CCBE1: variants seen among roughly 807,000 people sequenced by gnomAD.
The protein encoded by CCBE1 is collagen and calcium binding EGF domains 1.
A neutral mutation model predicts 50.0 loss-of-function variants in CCBE1; 37 were observed. That is an observed-to-expected ratio of 0.74 (90% CI 0.57 to 0.97). The LOEUF (loss-of-function observed/expected upper bound fraction) is 0.97, where lower values mean the gene tolerates loss of function less well. CCBE1 is among the 50% of genes least tolerant of loss of function. The probability of loss-of-function intolerance (pLI) is 0.00; values close to 1 mark genes in which losing one functional copy is unlikely to be tolerated. For missense variants in CCBE1, 538 were observed against 523.8 expected (o/e 1.03, Z -0.26); for synonymous variants, 234 against 203.7 (o/e 1.15, Z -1.27).
At chr18:59,660,138 G>A (rs75107571) in intron 2 of CCBE1, among the ~76,000 whole-genome samples, 3,193 of 152,266 alleles carry the variant, frequency 0.021, 45 homozygotes, top group Non-Finnish European at 0.032. Flanking sequence ...GCCGAAAGGG[G>A]CCGAAATCCA....
At position 59,572,418 on chromosome 18, in the gene CCBE1, G is replaced by C. The variant is rs539009629; in HGVS notation, c.213-92180C>G. 4.6e-5 allele frequency among the ~76,000 whole-genome samples: 7 copies of C among 152,028 alleles called. No homozygotes were observed. In the East Asian group the frequency reaches 1.4e-3, roughly 29 times the overall value. On this transcript the variant is annotated intron_variant, in intron 2 of 10. Coordinates refer to ENST00000439986, the MANE Select transcript of CCBE1 (RefSeq NM_133459.4). ...TTTTGAGATTCTAGAATATCATATG[G>C]GTTTTTTATAACATAATTAAAACCA... is the stretch of plus-strand genomic sequence containing the variant.
At chr18:59,620,898 T>C (rs1028244408) in intron 2 of CCBE1, among the ~76,000 whole-genome samples, 1 of 152,170 alleles carries the variant, frequency 6.6e-6, no homozygotes, top group African/African-American at 2.4e-5. Context: ...GAGTTTCCAA[T>C]AATAACATCC....
chr18:59,563,332 T>C (rs1161433684), intron 2 of CCBE1, among the ~76,000 whole-genome samples: 1 of 152,272 alleles, frequency 6.6e-6, no homozygotes, highest in Non-Finnish European at 1.5e-5. Flanking sequence ...TTTAAAATAC[T>C]ATTTGTTTGC....
rs116242912 is a variant in CCBE1, at chr18:59,695,538, C to A, written c.212+1091G>T. On this transcript the variant is annotated intron_variant, in intron 2 of 10. Coordinates refer to ENST00000439986, the MANE Select transcript of CCBE1 (RefSeq NM_133459.4). ...AACAACAGATTTAAGAGCAGAAGTA[C>A]GCGATGTAACTGATGGTGCTTTTGC... is the stretch of plus-strand genomic sequence containing the variant. Among the ~76,000 whole-genome samples the A allele has an allele frequency of 6.3e-3, 957 of 152,298 alleles. 12 individuals carry two copies. The highest frequency in any genetic ancestry group is 0.022 in the African/African-American group (915 of 41,568).
intron 2 of CCBE1, among the ~76,000 whole-genome samples, chr18:59,554,043 T>A (rs1916023112): frequency 6.6e-6 from 1 of 152,182 alleles, no homozygotes; most frequent in Non-Finnish European, 1.5e-5. Flanking sequence ...CACTCTGTTG[T>A]CTAGGCTGGA....
chr18:59,679,610 T>A (rs374938791), intron 2 of CCBE1, among the ~76,000 whole-genome samples: 1 of 152,178 alleles, frequency 6.6e-6, no homozygotes, highest in East Asian at 1.9e-4. Context: ...GAGAAAAACA[T>A]TCAGCTTTTC....
chr18:59,666,064 T>C, intron 2 of CCBE1: 1 of 152,646 alleles, frequency 6.6e-6, no homozygotes, highest in Non-Finnish European at 1.5e-5. Flanking sequence ...GAAAGAGGTT[T>C]AATGGACTTA....
intron 2 of CCBE1, among the ~76,000 whole-genome samples, chr18:59,577,737 A>G (rs2053020498): frequency 6.6e-6 from 1 of 152,236 alleles, no homozygotes; most frequent in South Asian, 2.1e-4. Flanking sequence ...AATAGAGAAA[A>G]ATAAATCAAT....
chr18:59,658,360 T>A (rs1388122706), intron 2 of CCBE1, among the ~76,000 whole-genome samples: 543 of 2,288 alleles, frequency 0.24, 86 homozygotes, highest in East Asian at 0.5. Flanking sequence ...AAAAAATATA[T>A]ATATATATAT....
intron 2 of CCBE1, among the ~76,000 whole-genome samples, chr18:59,534,838 T>C (rs1423040187): frequency 6.6e-6 from 1 of 152,178 alleles, no homozygotes; most frequent in Non-Finnish European, 1.5e-5. Flanking sequence ...TAACAGACCA[T>C]GCATATAGAA....
intron 2 of CCBE1, among the ~76,000 whole-genome samples, chr18:59,569,125 C>T (rs968008007): frequency 6.6e-6 from 1 of 152,232 alleles, no homozygotes; most frequent in African/African-American, 2.4e-5. Flanking sequence ...CAATTCTCCT[C>T]ACATGAGTGG....
rs868522364 is a variant in CCBE1 at position 59,594,115 on chromosome 18, A to G, written c.212+102514T>C. 6.6e-5 allele frequency among the ~76,000 whole-genome samples: 10 copies of G among 152,174 alleles called. 1 individual carries two copies. The South Asian group carries it at 8.3e-4, about 13-fold the overall frequency. ...AAAATACCAAGTTCTCTCTCCTTCTATGGTTCTTGCCATCTTGGGGCCCCC... is the reference window on the plus strand; with the variant it reads ...AAAATACCAAGTTCTCTCTCCTTCTGTGGTTCTTGCCATCTTGGGGCCCCC... On this transcript the variant is annotated intron_variant, in intron 2 of 10. Coordinates refer to ENST00000439986, the MANE Select transcript of CCBE1 (RefSeq NM_133459.4).
At chr18:59,584,342 G>A (rs186809708) in intron 2 of CCBE1, among the ~76,000 whole-genome samples, 1 of 126,300 alleles carries the variant, frequency 7.9e-6, no homozygotes, top group Admixed American at 8.8e-5. Flanking sequence ...ACACTCTGGG[G>A]ACTGTTGTGG....
At chr18:59,597,567 T>C (rs1213184484) in intron 2 of CCBE1, among the ~76,000 whole-genome samples, 1 of 151,700 alleles carries the variant, frequency 6.6e-6, no homozygotes. Flanking sequence ...AAAAAAGTAG[T>C]AGTAGTAGTA....
chr18:59,444,877 T>C (rs1159560034), intron 7 of CCBE1, among the ~76,000 whole-genome samples: 1 of 152,178 alleles, frequency 6.6e-6, no homozygotes, highest in Non-Finnish European at 1.5e-5. Flanking sequence ...ATTCAAGTCC[T>C]TTTCCCATCT....
intron 2 of CCBE1, among the ~76,000 whole-genome samples, chr18:59,695,849 C>T (rs1457262236): frequency 6.6e-6 from 1 of 152,120 alleles, no homozygotes; most frequent in Non-Finnish European, 1.5e-5. Flanking sequence ...ATCCAATAAA[C>T]GTTTATGGGT....
At chr18:59,683,813 G>A (rs1381630251) in intron 2 of CCBE1, among the ~76,000 whole-genome samples, 3 of 152,050 alleles carry the variant, frequency 2.0e-5, no homozygotes, top group Non-Finnish European at 4.4e-5. Flanking sequence ...GATGGCCAAG[G>A]GCTGCAAGCT....
chr18:59,540,219 G>C (rs1034526364), intron 2 of CCBE1, among the ~76,000 whole-genome samples: 1 of 152,112 alleles, frequency 6.6e-6, no homozygotes. Context: ...ATAAATTATA[G>C]AAGGCAATTA....
chr18:59,621,936 T>C (rs2053715588), intron 2 of CCBE1, among the ~76,000 whole-genome samples: 1 of 152,178 alleles, frequency 6.6e-6, no homozygotes, highest in Non-Finnish European at 1.5e-5. Flanking sequence ...AGGCCAGCCA[T>C]GGACTTACCC....
Sources: gnomAD v4.1 joint callset for allele counts (sites outside exome capture counted in the v4.1 genomes callset) on GRCh38, gnomAD v4.1.1 for gene constraint, MANE v1.5 for transcripts, NCBI Gene and HGNC (gene_info 2026-07-23, HGNC 2026-07-21) for gene names.